The following TM4SF18 variants were observed in gnomAD, a reference collection of about 807,000 sequenced individuals.
The protein encoded by TM4SF18 is transmembrane 4 L6 family member 18.
TM4SF18 carries 22 observed loss-of-function variants against 23.8 expected under a neutral mutation model. The ratio of observed to expected loss-of-function variants is 0.92; its 90% CI spans 0.66 to 1.32. TM4SF18 has a LOEUF of 1.32. TM4SF18 is among the 40% of genes most tolerant of loss of function. The pLI, the probability that TM4SF18 is intolerant of heterozygous loss-of-function variation, is 0.00. For synonymous variants in TM4SF18, 87 were observed against 87.9 expected (o/e 0.99, Z 0.06); for missense variants, 255 against 240.3 (o/e 1.06, Z -0.41).
At chr3:149,333,424 AG>A (rs761340419) in intron 1 of TM4SF18, 25 bp from the exon 2 acceptor site, 35 of 1,426,780 alleles carry the variant, frequency 2.5e-5, no homozygotes, top group Non-Finnish European at 3.1e-5. Flanking sequence ...AAGAGTATAC[AG>A]TCACAGAAAG....
intron 2 of TM4SF18, among the ~76,000 whole-genome samples, chr3:149,331,977 T>G (rs1217442579): frequency 6.6e-6 from 1 of 152,206 alleles, no homozygotes; most frequent in African/African-American, 2.4e-5. Flanking sequence ...ATTATACCAA[T>G]GCAGCCACAA....
chr3:149,333,309 T>C lies in TM4SF18; in HGVS notation c.74A>G (p.Asn25Ser). 1.2e-6 allele frequency: 2 copies of C among 1,613,914 alleles called. No individual in the cohort carries two copies. The highest frequency in any genetic ancestry group is 1.7e-6 in the Non-Finnish European group (2 of 1,179,950). ...IPLALWSIIV[N>S]ILLYFPNGQT... Reference sequence around the variant, plus strand: ...CCCATTCGGGAAATACAATAATATGTTCACGATTATACTCCAAAGTGCAAG... The same window carrying C: ...CCCATTCGGGAAATACAATAATATGCTCACGATTATACTCCAAAGTGCAAG... The change falls in exon 2 of 6, where the codon AAC (asparagine) becomes AGC (serine). Residue 25 changes from asparagine (N) to serine (S), a missense_variant. Transcript: ENST00000296059.
rs185414179 is a variant in TM4SF18, at chr3:149,327,954, T to G, written c.267+2376A>C. 1.3e-4 allele frequency among the ~76,000 whole-genome samples: 20 copies of G among 152,274 alleles called. No individual in the cohort carries two copies. The East Asian group carries it at 3.9e-3, about 29-fold the overall frequency. On this transcript the variant is annotated intron_variant, in intron 3 of 5. Transcript: ENST00000296059. Reference sequence around the variant, plus strand: ...AATCATAGTTTTCTTTTCTGTAAACTGTAGATGATGTAGACAGGAATGGTA... The same window carrying G: ...AATCATAGTTTTCTTTTCTGTAAACGGTAGATGATGTAGACAGGAATGGTA...
rs79516337 is a variant in TM4SF18, at chr3:149,322,575, A to T, written c.411-139T>A. 1.3e-3 allele frequency: 911 copies of T among 698,744 alleles called. 11 individuals are homozygous for T. The East Asian group carries it at 0.015, about 11-fold the overall frequency. The allele number at this position is 698,744 out of a possible 1,614,324, so 43.3% of individuals were successfully genotyped here. A position where few individuals can be genotyped will look rare whatever the true frequency, so the allele number is the denominator to read the frequency against. On this transcript the variant is annotated intron_variant, in intron 4 of 5. Coordinates refer to ENST00000296059, the MANE Select transcript of TM4SF18 (RefSeq NM_138786.4). The stretch of plus-strand genomic sequence containing the variant: ...TTAATACATTTTAAAAACCATTCAG[A>T]TACACATATTGGACATATCTTATGC...
chr3:149,323,047 C>T (rs1175128196), intron 4 of TM4SF18, among the ~76,000 whole-genome samples: 1 of 152,030 alleles, frequency 6.6e-6, no homozygotes, highest in African/African-American at 2.4e-5. Flanking sequence ...CAGGCACCCG[C>T]CACCACGCCC....
intron 3 of TM4SF18, 102 bp from the exon 4 acceptor site, chr3:149,325,124 T>A: frequency 8.6e-7 from 1 of 1,165,604 alleles, no homozygotes; most frequent in African/African-American, 1.5e-5. Context: ...CCCAAGCTCA[T>A]GCAGTCTATA....
intron 3 of TM4SF18, among the ~76,000 whole-genome samples, chr3:149,326,390 G>A (rs1730946956): frequency 6.6e-6 from 1 of 152,170 alleles, no homozygotes. Context: ...CATGCTAAGG[G>A]TGGTGCTAAG....
intron 3 of TM4SF18, chr3:149,329,887 A>G (rs978940268): frequency 1.3e-5 from 2 of 152,502 alleles, no homozygotes; most frequent in Admixed American, 1.3e-4. Flanking sequence ...TATAATGACA[A>G]AAAGTAAATC....
chr3:149,323,849 G>A (rs1304585804), intron 4 of TM4SF18, among the ~76,000 whole-genome samples: 3 of 152,158 alleles, frequency 2.0e-5, no homozygotes, highest in African/African-American at 7.2e-5. Context: ...TTCTTGCAGA[G>A]AGCCTATAAA....
Position 149,333,248 on chromosome 3 carries a change from G to A in TM4SF18, c.135C>T (p.Asn45=). ...AGATTCCTTCAAAATACCACACGTA[G>A]TTGGTGAGTTTATTGCTGGATGCAT... The part of the protein sequence containing the change: ...TSYASSNKLT[N]YVWYFEGICF... Residue 45 remains asparagine, a synonymous_variant, in exon 2 of 6, where the codon AAC becomes AAT. Transcript: ENST00000296059. The A allele has an allele frequency of 6.2e-7, 1 of 1,613,348 alleles. No homozygotes were observed.
Position 149,320,846 on chromosome 3 carries a change from C to G in TM4SF18, c.*632G>C, listed in dbSNP as rs1730787041. On this transcript the variant is annotated 3_prime_UTR_variant, in exon 6 of 6. Transcript: ENST00000296059. ...AAGAAGGGTCATCAATGCCCCAAAC[C>G]AAGCATAATTGGCATTTTGTTATAT... is the stretch of plus-strand genomic sequence containing the variant. 6.6e-6 allele frequency: 1 copy of G among 152,012 alleles called. No individual in the cohort carries two copies. The highest frequency in any genetic ancestry group is 6.6e-5 in the Admixed American group (1 of 15,264). 9.4% of individuals were successfully genotyped at this position (152,012 alleles called of 1,614,324 possible).
intron 5 of TM4SF18, among the ~76,000 whole-genome samples, chr3:149,321,829 C>T (rs1180395933): frequency 1.3e-5 from 2 of 152,052 alleles, no homozygotes; most frequent in African/African-American, 2.4e-5. Flanking sequence ...CCTATGCACT[C>T]GAGATAAAGG....
chr3:149,325,073 T>C (rs1730909722), intron 3 of TM4SF18, 51 bp from the exon 4 acceptor site: 3 of 1,570,900 alleles, frequency 1.9e-6, no homozygotes, highest in Non-Finnish European at 2.6e-6. Context: ...GACAAGGGGA[T>C]ATTGTGGATA....
intron 3 of TM4SF18, 51 bp downstream of exon 3, chr3:149,330,279 A>G (rs1395210861): frequency 7.8e-7 from 1 of 1,278,894 alleles, no homozygotes; most frequent in African/African-American, 1.5e-5. Context: ...GAGTGAGAGG[A>G]AAGAAAGCTG....
chr3:149,327,622 T>C (rs1293509724), intron 3 of TM4SF18, among the ~76,000 whole-genome samples: 3 of 152,288 alleles, frequency 2.0e-5, no homozygotes, highest in Admixed American at 6.5e-5. Context: ...CAGTAACCAA[T>C]TGATAATAAA....
chr3:149,324,942 G>A lies in TM4SF18; in HGVS notation c.348C>T (p.Val116=). The A allele has an allele frequency of 3.7e-6, 6 of 1,614,126 alleles. No individual in the cohort carries two copies. Among genetic ancestry groups the A allele is most frequent in the Non-Finnish European group, 5.1e-6 (6 of 1,180,024 alleles). ...YCLVISALGL[V]QGPYCRTLDG... ...CAAGGGTGCGGCAATATGGCCCTTG[G>A]ACAAGACCCAAGGCAGAGATGACCA... The change falls in exon 4 of 6, where the codon GTC becomes GTT. Residue 116 remains valine (V), a synonymous_variant. Coordinates refer to ENST00000296059, the MANE Select transcript of TM4SF18 (RefSeq NM_138786.4).
intron 3 of TM4SF18, among the ~76,000 whole-genome samples, chr3:149,326,035 TG>T (rs1389420527): frequency 6.6e-6 from 1 of 152,308 alleles, no homozygotes; most frequent in African/African-American, 2.4e-5. Flanking sequence ...TATGTGTTTT[TG>T]TTACTGAGCC....
intron 3 of TM4SF18, among the ~76,000 whole-genome samples, chr3:149,328,865 T>G (rs1731015039): frequency 3.3e-5 from 5 of 152,186 alleles, no homozygotes; most frequent in Admixed American, 2.6e-4. Flanking sequence ...TCTTTCTTTC[T>G]CCTGCTGTTC....
At position 149,320,503 on chromosome 3, in the gene TM4SF18, G is replaced by C. The variant is rs900659128; in HGVS notation, c.*975C>G. The C allele has an allele frequency of 6.6e-6, 1 of 152,164 alleles. No individual in the cohort carries two copies. Among genetic ancestry groups the C allele is most frequent in the African/African-American group, 2.4e-5 (1 of 41,434 alleles). 9.4% of individuals were successfully genotyped at this position (152,164 alleles called of 1,614,324 possible). Reference sequence around the variant, plus strand: ...TCTTGCCCATTGAGCATGTTCCCTAGCTGCTCACTTATTTTAAGGCTACCT... The same window carrying C: ...TCTTGCCCATTGAGCATGTTCCCTACCTGCTCACTTATTTTAAGGCTACCT... On this transcript the variant is annotated 3_prime_UTR_variant, in exon 6 of 6. Coordinates refer to ENST00000296059, the MANE Select transcript of TM4SF18 (RefSeq NM_138786.4).
Sources: allele counts gnomAD v4.1 joint callset (sites outside exome capture counted in the v4.1 genomes callset), GRCh38; gene constraint gnomAD v4.1.1; transcripts MANE v1.5; gene names NCBI Gene and HGNC (gene_info 2026-07-23, HGNC 2026-07-21).